RMST: variants seen among roughly 807,000 people sequenced by gnomAD.
RMST encodes rhabdomyosarcoma 2 associated transcript.
At chr12:97,543,943 C>G (rs1485755259) in intron 11 of RMST, among the ~76,000 whole-genome samples, 2 of 152,024 alleles carry the variant, frequency 1.3e-5, no homozygotes, top group Non-Finnish European at 2.9e-5. Flanking sequence ...ATATGCAATT[C>G]AGTTTAGCCC....
At chr12:97,546,789 A>G (rs1282597370) in intron 11 of RMST, among the ~76,000 whole-genome samples, 1 of 152,044 alleles carries the variant, frequency 6.6e-6, no homozygotes, top group Non-Finnish European at 1.5e-5. Context: ...ATTATCTCAC[A>G]TACTTATCTT....
intron 10 of RMST, among the ~76,000 whole-genome samples, chr12:97,505,918 T>C (rs759562835): frequency 6.6e-6 from 1 of 152,222 alleles, no homozygotes; most frequent in Non-Finnish European, 1.5e-5. Context: ...TTTATTATCT[T>C]ATACATTGCC....
chr12:97,541,734 A>C (rs1371710839), intron 11 of RMST, among the ~76,000 whole-genome samples: 1 of 151,276 alleles, frequency 6.6e-6, no homozygotes, highest in Non-Finnish European at 1.5e-5. Flanking sequence ...AAAAAAGAAA[A>C]AGAAAAAGAA....
intron 10 of RMST, among the ~76,000 whole-genome samples, chr12:97,501,454 A>C (rs1453979785): frequency 6.6e-6 from 1 of 152,236 alleles, no homozygotes; most frequent in Non-Finnish European, 1.5e-5. Context: ...TAGGTATACC[A>C]CTATATTGCA....
intron 4 of RMST, among the ~76,000 whole-genome samples, chr12:97,464,159 C>T (rs952502923): frequency 6.6e-6 from 1 of 152,086 alleles, no homozygotes. Context: ...TTCTTTGTCA[C>T]AAAAATGAGT....
intron 11 of RMST, among the ~76,000 whole-genome samples, chr12:97,552,701 T>C (rs1029250488): frequency 5.3e-5 from 8 of 152,224 alleles, no homozygotes; most frequent in Non-Finnish European, 1.2e-4. Context: ...CTTTCTATTT[T>C]GTTGTTGTTG....
At chr12:97,473,802 A>G (rs940165180) in intron 5 of RMST, among the ~76,000 whole-genome samples, 1 of 152,138 alleles carries the variant, frequency 6.6e-6, no homozygotes, top group African/African-American at 2.4e-5. Flanking sequence ...GTTCATAATC[A>G]TTTTCCAGGA....
rs569988624 is a variant in RMST, at chr12:97,550,814, A to C, written n.1546-9723A>C. On this transcript the variant is annotated intron_variant and non_coding_transcript_variant, in intron 11 of 13. Transcript: ENST00000640149. ...TTCATGCACATACATGCAAAATGCA[A>C]AAGGGAAAGTATTTGGCTTTTCTGG... 2.6e-5 allele frequency among the ~76,000 whole-genome samples: 4 copies of C among 152,320 alleles called. No homozygotes were observed. The East Asian group carries it at 7.7e-4, about 29-fold the overall frequency.
At chr12:97,502,321 G>A (rs1331292189) in intron 10 of RMST, among the ~76,000 whole-genome samples, 1 of 152,082 alleles carries the variant, frequency 6.6e-6, no homozygotes, top group Admixed American at 6.5e-5. Context: ...TTTATGGAGT[G>A]CACACTTATG....
chr12:97,564,421 A>G (rs11109109), exon 14 of RMST: 81,390 of 152,458 alleles, frequency 0.53, 24,814 homozygotes, highest in Middle Eastern at 0.73. Flanking sequence ...AATGGGGAAC[A>G]CCTGATGTTG....
intron 10 of RMST, among the ~76,000 whole-genome samples, chr12:97,514,850 A>G (rs550695668): frequency 6.6e-6 from 1 of 152,312 alleles, no homozygotes; most frequent in East Asian, 1.9e-4. Context: ...CTGATGAAAT[A>G]GAAGTATTTA....
At chr12:97,513,408 C>G (rs548537933) in intron 10 of RMST, among the ~76,000 whole-genome samples, 1 of 152,342 alleles carries the variant, frequency 6.6e-6, no homozygotes, top group Non-Finnish European at 1.5e-5. Context: ...GATCCAGCAG[C>G]TTTAATGGAC....
chr12:97,505,854 A>C (rs1878605426), intron 10 of RMST, among the ~76,000 whole-genome samples: 1 of 152,192 alleles, frequency 6.6e-6, no homozygotes, highest in Non-Finnish European at 1.5e-5. Context: ...CAATTTGTAC[A>C]TTTTCAGATG....
chr12:97,517,803 T>G (rs931413665), intron 10 of RMST, among the ~76,000 whole-genome samples: 2 of 152,102 alleles, frequency 1.3e-5, no homozygotes, highest in African/African-American at 4.8e-5. Context: ...CATGGGCTTC[T>G]GTAGTTACTT....
At chr12:97,497,110 G>A (rs1877515789) in intron 10 of RMST, among the ~76,000 whole-genome samples, 1 of 152,094 alleles carries the variant, frequency 6.6e-6, no homozygotes, top group South Asian at 2.1e-4. Context: ...GCTTTGCTTG[G>A]TTTTGTATTC....
chr12:97,495,145 A>G (rs1197130183), intron 9 of RMST, among the ~76,000 whole-genome samples: 2 of 148,306 alleles, frequency 1.3e-5, no homozygotes, highest in African/African-American at 5.1e-5. Flanking sequence ...TATTTAAATT[A>G]AAATATAAAT....
intron 5 of RMST, among the ~76,000 whole-genome samples, chr12:97,479,059 G>T (rs1408620735): frequency 6.7e-6 from 1 of 150,334 alleles, no homozygotes; most frequent in Non-Finnish European, 1.5e-5. Flanking sequence ...TTATTATTCT[G>T]ATCGCTCTCC....
chr12:97,546,675 T>G (rs1324685260), intron 11 of RMST, among the ~76,000 whole-genome samples: 6 of 152,114 alleles, frequency 3.9e-5, no homozygotes, highest in Non-Finnish European at 8.8e-5. Context: ...AAAAAATTCT[T>G]AATTGACAAA....
At chr12:97,482,086 T>G (rs1031564868) in intron 5 of RMST, among the ~76,000 whole-genome samples, 3 of 152,200 alleles carry the variant, frequency 2.0e-5, no homozygotes, top group South Asian at 2.1e-4. Context: ...CAAACATACA[T>G]GCCTTAAGGA....
Sources: gnomAD v4.1 joint callset for allele counts (sites outside exome capture counted in the v4.1 genomes callset) on GRCh38, gnomAD v4.1.1 for gene constraint, MANE v1.5 for transcripts, NCBI Gene and HGNC (gene_info 2026-07-23, HGNC 2026-07-21) for gene names.